The following THSD7A variants were observed in gnomAD, a reference collection of about 807,000 sequenced individuals.
The protein encoded by THSD7A is thrombospondin type 1 domain containing 7A.
In THSD7A, 96 loss-of-function variants were observed where a neutral mutation model predicts 231.3. The ratio of observed to expected loss-of-function variants is 0.41; its 90% CI spans 0.35 to 0.49. The LOEUF (loss-of-function observed/expected upper bound fraction) is 0.49. THSD7A is among the 20% of genes least tolerant of loss of function. The pLI, the probability that THSD7A is intolerant of heterozygous loss-of-function variation, is 0.05. For synonymous variants in THSD7A, 940 were observed against 743.3 expected (o/e 1.26, Z -4.30); for missense variants, 2,290 against 2,070.2 (o/e 1.11, Z -2.06).
rs1157503970 is a variant in THSD7A, at chr7:11,477,454, GGGGTGTC to G, written c.2018-2893_2018-2887del. Reference sequence around the variant, plus strand: ...TGCTAACTTTGGTCACCAGATTAAGGGGGTGTCTGTCAGACTTCTCTATTAGGGAAAT... The same window carrying G: ...TGCTAACTTTGGTCACCAGATTAAGGTGTCAGACTTCTCTATTAGGGAAAT... On this transcript the variant is annotated intron_variant, in intron 7 of 27. Transcript: ENST00000423059. Among the ~76,000 whole-genome samples, 3 of 152,074 alleles carry G rather than the reference GGGGTGTC, an allele frequency of 2.0e-5. No individual in the cohort carries two copies. The East Asian group carries it at 5.8e-4, about 29-fold the overall frequency.
intron 1 of THSD7A, among the ~76,000 whole-genome samples, chr7:11,685,789 C>A (rs1036005219): frequency 7.9e-5 from 12 of 151,754 alleles, no homozygotes; most frequent in Admixed American, 7.9e-4. Context: ...TTAAATTAGC[C>A]CCTGTGCAAA....
chr7:11,523,478 A>C (rs1253310537), intron 6 of THSD7A, among the ~76,000 whole-genome samples: 2 of 152,116 alleles, frequency 1.3e-5, no homozygotes, highest in African/African-American at 4.8e-5. Context: ...TGGAGAGATT[A>C]TGTGTGATTA....
intron 1 of THSD7A, among the ~76,000 whole-genome samples, chr7:11,734,555 T>C (rs1027504396): frequency 2.6e-5 from 4 of 151,968 alleles, no homozygotes; most frequent in African/African-American, 9.7e-5. Flanking sequence ...AGCACCTCCA[T>C]AATTAATTCT....
intron 3 of THSD7A, among the ~76,000 whole-genome samples, chr7:11,591,096 A>T (rs1173302214): frequency 1.3e-5 from 2 of 151,906 alleles, no homozygotes; most frequent in Non-Finnish European, 2.9e-5. Context: ...ATGCTTGTAT[A>T]TTAGGGTTAA....
At chr7:11,659,321 C>A (rs1052021088) in intron 1 of THSD7A, among the ~76,000 whole-genome samples, 3 of 151,568 alleles carry the variant, frequency 2.0e-5, no homozygotes, top group African/African-American at 7.2e-5. Flanking sequence ...ATCTTTTCAA[C>A]ATGCAAATTT....
chr7:11,656,921 T>A (rs879942513), intron 1 of THSD7A, among the ~76,000 whole-genome samples: 1 of 151,850 alleles, frequency 6.6e-6, no homozygotes, highest in South Asian at 2.1e-4. Flanking sequence ...TTAAAAAGTA[T>A]GATGAAGAGA....
chr7:11,786,764 A>T (rs1783806365), intron 1 of THSD7A, among the ~76,000 whole-genome samples: 1 of 127,080 alleles, frequency 7.9e-6, no homozygotes, highest in Admixed American at 7.5e-5. Context: ...AATAATAAAA[A>T]AAAAAAAAAA....
At chr7:11,734,464 G>C (rs1054763491) in intron 1 of THSD7A, among the ~76,000 whole-genome samples, 1 of 151,874 alleles carries the variant, frequency 6.6e-6, no homozygotes, top group African/African-American at 2.4e-5. Context: ...TCTCACATAC[G>C]TGGTCAATCT....
intron 2 of THSD7A, among the ~76,000 whole-genome samples, chr7:11,600,852 G>T (rs1780526609): frequency 6.6e-6 from 1 of 152,152 alleles, no homozygotes; most frequent in African/African-American, 2.4e-5. Context: ...GACAATTACA[G>T]CTCAAAGCAT....
intron 23 of THSD7A, among the ~76,000 whole-genome samples, chr7:11,401,064 T>A (rs1783385851): frequency 6.6e-6 from 1 of 152,182 alleles, no homozygotes; most frequent in African/African-American, 2.4e-5. Flanking sequence ...TAAGTAAAAT[T>A]CAGATTAAAA....
At chr7:11,822,808 C>A (rs1338608337) in intron 1 of THSD7A, among the ~76,000 whole-genome samples, 1 of 151,816 alleles carries the variant, frequency 6.6e-6, no homozygotes, top group Admixed American at 6.6e-5. Context: ...CCAATATATT[C>A]TCATAAACAG....
At chr7:11,498,885 C>G (rs1007009917) in intron 6 of THSD7A, among the ~76,000 whole-genome samples, 1 of 152,012 alleles carries the variant, frequency 6.6e-6, no homozygotes, top group African/African-American at 2.4e-5. Context: ...CAGCAGCAGC[C>G]CTATGGAAAA....
chr7:11,497,536 G>A (rs1787152455), intron 6 of THSD7A, among the ~76,000 whole-genome samples: 1 of 150,892 alleles, frequency 6.6e-6, no homozygotes, highest in African/African-American at 2.4e-5. Context: ...CAAAGATATG[G>A]AAAACACTGG....
intron 1 of THSD7A, among the ~76,000 whole-genome samples, chr7:11,660,461 C>T (rs1782887175): frequency 6.6e-6 from 1 of 151,108 alleles, no homozygotes; most frequent in Non-Finnish European, 1.5e-5. Flanking sequence ...TTATGTTATG[C>T]CATATTTTGA....
chr7:11,758,060 C>A (rs2128167052), intron 1 of THSD7A, among the ~76,000 whole-genome samples: 1 of 148,884 alleles, frequency 6.7e-6, no homozygotes, highest in Admixed American at 6.7e-5. Flanking sequence ...TTAATCATCA[C>A]AAAGCCCCTA....
chr7:11,531,927 T>G (rs995983935), intron 6 of THSD7A, among the ~76,000 whole-genome samples: 1 of 152,174 alleles, frequency 6.6e-6, no homozygotes, highest in African/African-American at 2.4e-5. Context: ...TTCTGGCAAG[T>G]ACCTCTCATC....
At position 11,501,158 on chromosome 7, in the gene THSD7A, T is replaced by C. The variant is rs188310510; in HGVS notation, c.1823-19176A>G. Among the ~76,000 whole-genome samples the C allele has an allele frequency of 1.4e-4, 22 of 152,126 alleles. No individual in the cohort carries two copies. The South Asian group carries it at 3.5e-3, about 24-fold the overall frequency. On this transcript the variant is annotated intron_variant, in intron 6 of 27. Transcript: ENST00000423059. Reference sequence around the variant, plus strand: ...GTTCCTAGAGACCTACAAAGAGACATAGACTCCCCACACAATAATAGTGGG... The same window carrying C: ...GTTCCTAGAGACCTACAAAGAGACACAGACTCCCCACACAATAATAGTGGG...
At chr7:11,764,739 T>G (rs184163514) in intron 1 of THSD7A, among the ~76,000 whole-genome samples, 1 of 152,262 alleles carries the variant, frequency 6.6e-6, no homozygotes, top group East Asian at 1.9e-4. Flanking sequence ...ACTAATGGAT[T>G]ATATTAGGAT....
intron 6 of THSD7A, among the ~76,000 whole-genome samples, chr7:11,533,940 T>C (rs192021429): frequency 5.1e-4 from 77 of 152,326 alleles, no homozygotes; most frequent in African/African-American, 1.8e-3. Context: ...TTCCTGTTTT[T>C]CTCATTTTTG....
Sources: allele counts gnomAD v4.1 joint callset (sites outside exome capture counted in the v4.1 genomes callset), GRCh38; gene constraint gnomAD v4.1.1; transcripts MANE v1.5; gene names NCBI Gene and HGNC (gene_info 2026-07-23, HGNC 2026-07-21).